Variants in ESR1 observed in about 807,000 individuals in gnomAD.
The protein encoded by ESR1 is estrogen receptor.
In ESR1, 12 loss-of-function variants were observed where a neutral mutation model predicts 52.7. The ratio of observed to expected loss-of-function variants is 0.23; its 90% CI spans 0.15 to 0.37. ESR1 has a LOEUF of 0.37. Among genes scored for constraint, ESR1 ranks in the 10% least tolerant of loss-of-function variants. The pLI, the probability that ESR1 is intolerant of heterozygous loss-of-function variation, is 1.00. For synonymous variants in ESR1, 305 were observed against 316.8 expected, an observed-to-expected ratio of 0.96 and a Z score of 0.39; for missense variants, 584 against 779.7, an observed-to-expected ratio of 0.75 and a Z score of 2.99.
chr6:152,097,867 G>A (rs2152503775), intron 7 of ESR1, among the ~76,000 whole-genome samples: 1 of 152,302 alleles, frequency 6.6e-6, no homozygotes, highest in Admixed American at 6.5e-5. Context: ...GTGCACGTGT[G>A]TGTTTGGAGG....
chr6:151,698,565 T>C (rs1779541067), intron 1 of ESR1, among the ~76,000 whole-genome samples: 1 of 152,176 alleles, frequency 6.6e-6, no homozygotes. Flanking sequence ...AGCTAAATTC[T>C]GTGATTTGTG....
intron 1 of ESR1, among the ~76,000 whole-genome samples, chr6:151,829,516 C>A (rs747111741): frequency 7.2e-5 from 11 of 152,190 alleles, no homozygotes; most frequent in Non-Finnish European, 1.5e-4. Flanking sequence ...GTCATCATTA[C>A]ACGGTCATGG....
At chr6:152,106,526 T>C (rs2051069276), downstream of ESR1, among the ~76,000 whole-genome samples, 1 of 152,216 alleles carries the variant, frequency 6.6e-6, no homozygotes, top group African/African-American at 2.4e-5. Context: ...GGTTTGTAGT[T>C]TTTTTGAATG....
At chr6:151,703,821 C>T (rs1223270177) in intron 2 of ESR1, among the ~76,000 whole-genome samples, 3 of 152,142 alleles carry the variant, frequency 2.0e-5, no homozygotes, top group Non-Finnish European at 4.4e-5. Flanking sequence ...GCATTGCTTT[C>T]CCCACTTTGA....
chr6:151,854,572 G>A (rs1411506083), intron 2 of ESR1, among the ~76,000 whole-genome samples: 1 of 152,144 alleles, frequency 6.6e-6, no homozygotes, highest in Non-Finnish European at 1.5e-5. Context: ...AGAGTATGTG[G>A]ACTTTCAATT....
intron 4 of ESR1, among the ~76,000 whole-genome samples, chr6:152,006,184 G>A (rs2042317152): frequency 6.6e-6 from 1 of 152,044 alleles, no homozygotes. Flanking sequence ...TTATTTTGGT[G>A]ATGGATGTTG....
At chr6:152,025,905 T>C (rs1026645931) in intron 5 of ESR1, among the ~76,000 whole-genome samples, 1 of 152,046 alleles carries the variant, frequency 6.6e-6, no homozygotes, top group African/African-American at 2.4e-5. Context: ...GATTCTAATA[T>C]ATCTTACTTT....
upstream of ESR1, among the ~76,000 whole-genome samples, chr6:151,806,103 G>T (rs1777789429): frequency 1.3e-5 from 2 of 152,164 alleles, no homozygotes; most frequent in African/African-American, 4.8e-5. Context: ...TAAATCATCT[G>T]TAAAAAATTG....
At chr6:152,049,391 A>T (rs1021211643) in intron 5 of ESR1, among the ~76,000 whole-genome samples, 1 of 152,200 alleles carries the variant, frequency 6.6e-6, no homozygotes, top group Admixed American at 6.5e-5. Flanking sequence ...CTGATGTGAA[A>T]AAAGTAAATA....
At chr6:151,898,160 A>G (rs999932808) in intron 3 of ESR1, among the ~76,000 whole-genome samples, 1 of 152,198 alleles carries the variant, frequency 6.6e-6, no homozygotes, top group Admixed American at 6.5e-5. Flanking sequence ...TAACCTTATG[A>G]CAATGTGCCT....
chr6:151,677,295 T>C (rs983305339), intron 1 of ESR1, among the ~76,000 whole-genome samples: 2 of 152,228 alleles, frequency 1.3e-5, no homozygotes, highest in Admixed American at 1.3e-4. Context: ...GCCACTTTGT[T>C]GATCACATTA....
At chr6:151,756,976 C>A (rs1355279204) in intron 2 of ESR1, among the ~76,000 whole-genome samples, 1 of 151,680 alleles carries the variant, frequency 6.6e-6, no homozygotes, top group Non-Finnish European at 1.5e-5. Context: ...GGCGACAGAG[C>A]GAGACTCTGT....
At chr6:151,716,869 A>T (rs962772205) in intron 2 of ESR1, among the ~76,000 whole-genome samples, 1 of 152,206 alleles carries the variant, frequency 6.6e-6, no homozygotes, top group African/African-American at 2.4e-5. Context: ...TCCAGGAGCC[A>T]CTAGGGTATG....
chr6:151,715,412 A>T (rs997441503), intron 2 of ESR1, among the ~76,000 whole-genome samples: 1 of 152,158 alleles, frequency 6.6e-6, no homozygotes, highest in Non-Finnish European at 1.5e-5. Flanking sequence ...GTTCTCCTGG[A>T]TAATATCCTG....
intron 6 of ESR1, among the ~76,000 whole-genome samples, chr6:152,117,509 A>G (rs1452513377): frequency 6.6e-6 from 1 of 152,206 alleles, no homozygotes; most frequent in Non-Finnish European, 1.5e-5. Flanking sequence ...CCACTCTTGT[A>G]TTAGGTAACA....
intron 2 of ESR1, among the ~76,000 whole-genome samples, chr6:151,849,862 C>T (rs1165188162): frequency 6.7e-6 from 1 of 149,294 alleles, no homozygotes; most frequent in Non-Finnish European, 1.5e-5. Context: ...GCTTATTGTC[C>T]TCTCCTTCTG....
At chr6:151,741,222 T>C (rs528209011) in intron 2 of ESR1, among the ~76,000 whole-genome samples, 2 of 152,294 alleles carry the variant, frequency 1.3e-5, no homozygotes, top group South Asian at 4.2e-4. Flanking sequence ...CTTTTTTTCT[T>C]CTTCCTCCTT....
chr6:151,776,956 G>A (rs918206538), intron 2 of ESR1, among the ~76,000 whole-genome samples: 10 of 151,928 alleles, frequency 6.6e-5, no homozygotes, highest in African/African-American at 1.7e-4. Context: ...GCTAGCAGGC[G>A]GACATTCAGG....
At chr6:151,703,211 A>C (rs1446797488) in intron 2 of ESR1, among the ~76,000 whole-genome samples, 1 of 152,224 alleles carries the variant, frequency 6.6e-6, no homozygotes, top group African/African-American at 2.4e-5. Context: ...ACCCTACTGC[A>C]TAAGAAATGA....
Sources: gnomAD v4.1 joint callset for allele counts (sites outside exome capture counted in the v4.1 genomes callset) on GRCh38, gnomAD v4.1.1 for gene constraint, MANE v1.5 for transcripts, NCBI Gene and HGNC (gene_info 2026-07-23, HGNC 2026-07-21) for gene names.